UNC13B: variants seen among roughly 807,000 people sequenced by gnomAD.
UNC13B encodes protein unc-13 homolog B.
UNC13B carries 144 observed loss-of-function variants against 211.0 expected under a neutral mutation model. The ratio of observed to expected loss-of-function variants is 0.68; its 90% confidence interval spans 0.60 to 0.78. UNC13B has a LOEUF of 0.78. Among genes scored for constraint, UNC13B ranks in the 30% least tolerant of loss-of-function variants. The pLI is 0.00. For missense variants in UNC13B, 1,777 were observed against 2,002.0 expected, an observed-to-expected ratio of 0.89 and a Z score of 2.14; for synonymous variants, 709 against 725.8, an observed-to-expected ratio of 0.98 and a Z score of 0.37.
At chr9:35,240,796 C>T (rs1184552162) in intron 5 of UNC13B, among the ~76,000 whole-genome samples, 3 of 151,938 alleles carry the variant, frequency 2.0e-5, no homozygotes, top group Non-Finnish European at 2.9e-5. Flanking sequence ...TGGCTCACAC[C>T]TGTAATCCCA....
Position 35,162,317 on chromosome 9 carries a change from G to T in UNC13B, c.22+12G>T. ...GCTCTGCGTGCGCGGTGAGTGCGCG[G>T]ACTGAGGCGGGGAGGCGGGGTGTCG... On this transcript the variant is annotated intron_variant, in intron 1 of 39. Transcript: ENST00000635942. 6.5e-7 allele frequency: 1 copy of T among 1,540,158 alleles called. No homozygotes were observed.
chr9:35,206,821 C>G (rs139553353), intron 1 of UNC13B, among the ~76,000 whole-genome samples: 1 of 148,636 alleles, frequency 6.7e-6, no homozygotes, highest in East Asian at 2.0e-4. Context: ...TTGCAGTGAG[C>G]TGAGATCGCG....
chr9:35,202,854 G>A (rs1216742143), intron 1 of UNC13B, among the ~76,000 whole-genome samples: 9 of 150,590 alleles, frequency 6.0e-5, no homozygotes, highest in South Asian at 2.1e-4. Flanking sequence ...GTGCAGTGGC[G>A]TGATCTCAGC....
intron 7 of UNC13B, among the ~76,000 whole-genome samples, chr9:35,274,610 A>G (rs982883049): frequency 1.3e-5 from 2 of 152,168 alleles, no homozygotes; most frequent in African/African-American, 2.4e-5. Context: ...ATGCCCCACA[A>G]TGAAATTTGG....
rs1173147386 is a variant in UNC13B at position 35,226,841 on chromosome 9, TACA to T, written c.23-1173_23-1171del. On this transcript the variant is annotated intron_variant, in intron 1 of 39. Transcript: ENST00000635942. Reference sequence around the variant, plus strand: ...CATTAATCTCCTTTGGCAACACCCTTACAGACACAGCCAGGAACAATACTTTGC... The same window carrying T: ...CATTAATCTCCTTTGGCAACACCCTTGACACAGCCAGGAACAATACTTTGC... 8.5e-3 allele frequency among the ~76,000 whole-genome samples: 1,299 copies of T among 152,324 alleles called. 12 individuals are homozygous for T. Among genetic ancestry groups the T allele is most frequent in the African/African-American group, 0.03 (1,229 of 41,568 alleles).
At chr9:35,190,060 A>C (rs1822569927) in intron 1 of UNC13B, among the ~76,000 whole-genome samples, 1 of 152,222 alleles carries the variant, frequency 6.6e-6, no homozygotes, top group South Asian at 2.1e-4. Flanking sequence ...CCTAAGAAGC[A>C]GGCACAGCTG....
At chr9:35,317,544 A>G (rs1830523881) in intron 11 of UNC13B, among the ~76,000 whole-genome samples, 1 of 135,536 alleles carries the variant, frequency 7.4e-6, no homozygotes. Context: ...TTTTTTTAAG[A>G]CAGAGCCTCA....
chr9:35,214,923 T>C (rs1208553889), intron 1 of UNC13B, among the ~76,000 whole-genome samples: 1 of 152,206 alleles, frequency 6.6e-6, no homozygotes, highest in African/African-American at 2.4e-5. Context: ...TTTTTCTTTC[T>C]CCACTGCTGT....
intron 6 of UNC13B, among the ~76,000 whole-genome samples, chr9:35,251,754 A>G (rs942808112): frequency 6.6e-6 from 1 of 152,040 alleles, no homozygotes; most frequent in Admixed American, 6.6e-5. Flanking sequence ...AATTTTCTTT[A>G]TTATCTAGAA....
chr9:35,302,878 T>A lies in UNC13B; in HGVS notation c.3474T>A (p.Ala1158=), dbSNP rs1397649420. 2.5e-6 allele frequency: 1 copy of A among 398,588 alleles called. No homozygotes were observed. Among genetic ancestry groups the A allele is most frequent in the Non-Finnish European group, 4.4e-6 (1 of 225,786 alleles). 24.7% of individuals were successfully genotyped at this position (398,588 alleles called of 1,614,324 possible). The change falls in exon 9 of 40, where the codon GCT becomes GCA. Residue 1158 remains alanine, a synonymous_variant. Transcript: ENST00000635942. ...GCCTGTTTAATAGGTTTTCTTCTGC[T>A]GAAAATTTGTCTAGTCAAGAATTAA... ...LSGLFNRFSS[A]ENLSSQELNL...
intron 1 of UNC13B, among the ~76,000 whole-genome samples, chr9:35,203,509 G>A (rs955897218): frequency 2.0e-4 from 31 of 152,218 alleles, no homozygotes; most frequent in Non-Finnish European, 2.9e-4. Context: ...GGCTTGTAGA[G>A]TTTCTGCCAA....
At chr9:35,256,004 A>G (rs548599359) in intron 6 of UNC13B, among the ~76,000 whole-genome samples, 1 of 152,332 alleles carries the variant, frequency 6.6e-6, no homozygotes, top group South Asian at 2.1e-4. Flanking sequence ...GTTAGAAGCA[A>G]GATGGAACTG....
intron 14 of UNC13B, 63 bp from the exon 15 acceptor site, chr9:35,375,965 G>C: frequency 6.4e-7 from 1 of 1,554,448 alleles, no homozygotes; most frequent in Non-Finnish European, 8.9e-7. Flanking sequence ...GGGCAACAGA[G>C]CAAGACTCTG....
In UNC13B at chr9:35,376,387, G is replaced by A. The variant is rs1834412391; in HGVS notation, c.9835+140G>A. 5 of 881,458 alleles carry A rather than the reference G, an allele frequency of 5.7e-6. No individual in the cohort carries two copies. In the African/African-American group the frequency reaches 8.4e-5, roughly 15 times the overall value. The allele number at this position is 881,458 out of a possible 1,614,324, so 54.6% of individuals were successfully genotyped here. ...TGAAACCCTATCCATTTCAGAGAAG[G>A]TAGGATTCTGAATCAAGGGGCATTG... On this transcript the variant is annotated intron_variant, in intron 15 of 39. Coordinates refer to ENST00000635942, the MANE Select transcript of UNC13B (RefSeq NM_001371189.2).
chr9:35,190,956 A>ATTTTCTT (rs1258001516), intron 1 of UNC13B, among the ~76,000 whole-genome samples: 3 of 151,878 alleles, frequency 2.0e-5, no homozygotes, highest in Non-Finnish European at 4.4e-5. Flanking sequence ...TGTACAAGGT[A>ATTTTCTT]TTTTCTTTTT....
chr9:35,378,831 G>A lies in UNC13B; in HGVS notation c.10205+395G>A, dbSNP rs115592562. Among the ~76,000 whole-genome samples the A allele has an allele frequency of 4.3e-4, 66 of 152,246 alleles. 1 individual carries two copies. The highest frequency in any genetic ancestry group is 1.6e-3 in the African/African-American group (65 of 41,538). The stretch of plus-strand genomic sequence containing the variant: ...TAAGGAAGGCTCTTATAAGGAGTGG[G>A]GAGGGAGTGTCCTTGTCCTAAAACT... On this transcript the variant is annotated intron_variant, in intron 17 of 39. Coordinates refer to ENST00000635942, the MANE Select transcript of UNC13B (RefSeq NM_001371189.2).
rs763739155 is a variant in UNC13B, at chr9:35,310,784, A to G, written c.9323+3A>G. The G allele has an allele frequency of 6.8e-6, 11 of 1,612,136 alleles. No individual in the cohort carries two copies. The South Asian group carries it at 1.1e-4, about 16-fold the overall frequency. ...CACTTCCTAGGTCCCCAGGAGAGGT[A>G]GGCAACAGCTGCCTTGAGGAGCTCA... On this transcript the variant is annotated splice_donor_region_variant and intron_variant, in intron 10 of 39. Transcript: ENST00000635942.
At chr9:35,229,825 A>G (rs1489835092) in intron 2 of UNC13B, among the ~76,000 whole-genome samples, 1 of 152,182 alleles carries the variant, frequency 6.6e-6, no homozygotes, top group Non-Finnish European at 1.5e-5. Context: ...TAAAAGAAAG[A>G]CTTACCTTCA....
At chr9:35,188,375 T>C (rs1822475264) in intron 1 of UNC13B, among the ~76,000 whole-genome samples, 1 of 152,252 alleles carries the variant, frequency 6.6e-6, no homozygotes, top group African/African-American at 2.4e-5. Context: ...AGTTTAGTTA[T>C]CTCTGTGATT....
Sources: allele counts gnomAD v4.1 joint callset (sites outside exome capture counted in the v4.1 genomes callset), GRCh38; gene constraint gnomAD v4.1.1; transcripts MANE v1.5; gene names NCBI Gene and HGNC (gene_info 2026-07-23, HGNC 2026-07-21).